The following ZMIZ1 variants were observed in gnomAD, a reference collection of about 807,000 sequenced individuals.
The protein encoded by ZMIZ1 is zinc finger MIZ-type containing 1.
Under a neutral mutation model 113.9 loss-of-function variants are expected in ZMIZ1, and 17 were observed. The ratio of observed to expected loss-of-function variants is 0.15; its 90% confidence interval spans 0.10 to 0.22. ZMIZ1 has a LOEUF of 0.22. ZMIZ1 is among the 10% of genes least tolerant of loss of function. ZMIZ1 has a pLI of 1.00. For synonymous variants in ZMIZ1, 607 were observed against 603.1 expected, an observed-to-expected ratio of 1.01 and a Z score of -0.09; for missense variants, 1,059 against 1,477.8, an observed-to-expected ratio of 0.72 and a Z score of 4.65.
chr10:79,182,780 C>G (rs1244066591), intron 4 of ZMIZ1, among the ~76,000 whole-genome samples: 1 of 152,218 alleles, frequency 6.6e-6, no homozygotes, highest in African/African-American at 2.4e-5. Context: ...TTCTCTGGGC[C>G]TTGTCTCCAG....
chr10:79,301,879 A>G (rs1854324751), intron 17 of ZMIZ1, among the ~76,000 whole-genome samples: 1 of 152,180 alleles, frequency 6.6e-6, no homozygotes, highest in Non-Finnish European at 1.5e-5. Context: ...CTTGTGTCCT[A>G]TAACCTTATC....
chr10:79,180,592 C>T (rs1847077792), intron 4 of ZMIZ1, among the ~76,000 whole-genome samples: 1 of 152,192 alleles, frequency 6.6e-6, no homozygotes. Flanking sequence ...CCCCTTCCTC[C>T]TCCGAGTCCC....
intron 4 of ZMIZ1, among the ~76,000 whole-genome samples, chr10:79,200,740 A>T (rs1358130010): frequency 6.6e-6 from 1 of 152,140 alleles, no homozygotes; most frequent in Non-Finnish European, 1.5e-5. Flanking sequence ...CAAAGTGAAA[A>T]CAACAGAGTT....
chr10:79,161,521 T>A (rs1564689804), intron 3 of ZMIZ1, among the ~76,000 whole-genome samples: 2 of 152,318 alleles, frequency 1.3e-5, no homozygotes, highest in East Asian at 3.9e-4. Flanking sequence ...TTGCTGCATC[T>A]TGGTCTGCCT....
At chr10:79,122,080 C>A (rs1287768828) in intron 2 of ZMIZ1, among the ~76,000 whole-genome samples, 11 of 152,220 alleles carry the variant, frequency 7.2e-5, no homozygotes, top group Non-Finnish European at 2.9e-5. Flanking sequence ...CCCTGTGTGA[C>A]GGCCAGTGAA....
intron 7 of ZMIZ1, among the ~76,000 whole-genome samples, chr10:79,223,989 G>A (rs1045224382): frequency 6.6e-6 from 1 of 152,212 alleles, no homozygotes; most frequent in Non-Finnish European, 1.5e-5. Context: ...GTGGGGAGGG[G>A]CCCTGCCATG....
chr10:79,172,894 A>G (rs1196481272), intron 4 of ZMIZ1, among the ~76,000 whole-genome samples: 1 of 152,236 alleles, frequency 6.6e-6, no homozygotes, highest in African/African-American at 2.4e-5. Flanking sequence ...TTGTAACGGA[A>G]GTAAATTTTC....
chr10:79,304,004 C>T lies in ZMIZ1; in HGVS notation c.2126-11C>T, dbSNP rs748094936. 6.2e-7 allele frequency: 1 copy of T among 1,613,780 alleles called. No homozygotes were observed. Among genetic ancestry groups the T allele is most frequent in the Non-Finnish European group, 8.5e-7 (1 of 1,180,016 alleles). ...TGCCATCCTCACCTGTCTGTGCCTC[C>T]TGCCCCGCAGTCAAGCGGAATTTCA... On this transcript the variant is annotated splice_polypyrimidine_tract_variant and intron_variant, in intron 18 of 24. Transcript: ENST00000334512.
intron 12 of ZMIZ1, chr10:79,294,240 T>A (rs1853717417): frequency 6.0e-6 from 1 of 165,786 alleles, no homozygotes; most frequent in Admixed American, 5.6e-5. Flanking sequence ...GGCAGCTGTT[T>A]CCAGTCTATA....
intron 7 of ZMIZ1, among the ~76,000 whole-genome samples, chr10:79,241,560 C>G (rs1334847422): frequency 6.6e-6 from 1 of 151,994 alleles, no homozygotes; most frequent in Non-Finnish European, 1.5e-5. Context: ...TAGTTCGTGT[C>G]CAAAAGGCTC....
intron 4 of ZMIZ1, among the ~76,000 whole-genome samples, chr10:79,175,253 G>T (rs138631964): frequency 6.6e-6 from 1 of 152,306 alleles, no homozygotes; most frequent in Non-Finnish European, 1.5e-5. Context: ...CTGCCCCGAG[G>T]TGTCCTCTGC....
chr10:79,181,476 A>C (rs558280801), intron 4 of ZMIZ1, among the ~76,000 whole-genome samples: 1 of 152,324 alleles, frequency 6.6e-6, no homozygotes, highest in Admixed American at 6.5e-5. Flanking sequence ...GGGCGGAGGC[A>C]TCCCAGGGGC....
intron 2 of ZMIZ1, among the ~76,000 whole-genome samples, chr10:79,130,316 T>C (rs760887034): frequency 1.1e-4 from 17 of 152,154 alleles, no homozygotes; most frequent in Non-Finnish European, 5.9e-5. Context: ...ATATCAGCCT[T>C]CTTGTGCCCT....
chr10:79,261,561 T>C (rs1476266975), intron 7 of ZMIZ1, among the ~76,000 whole-genome samples: 1 of 152,170 alleles, frequency 6.6e-6, no homozygotes, highest in Non-Finnish European at 1.5e-5. Flanking sequence ...TGGGGCTGCT[T>C]CCTAGAGCCG....
intron 5 of ZMIZ1, among the ~76,000 whole-genome samples, chr10:79,206,152 A>T (rs1848310572): frequency 6.6e-6 from 1 of 151,382 alleles, no homozygotes; most frequent in South Asian, 2.1e-4. Context: ...TGTTTTCTTC[A>T]GCAATGAGGT....
intron 3 of ZMIZ1, among the ~76,000 whole-genome samples, chr10:79,145,133 CTCTGTATCTTCTT>C (rs1479717758): frequency 2.0e-5 from 3 of 151,920 alleles, no homozygotes; most frequent in Non-Finnish European, 2.9e-5. Context: ...TGTCTTCCTT[CTCTGTATCTTCTT>C]TCTGTATCTT....
chr10:79,187,494 G>GA (rs1847398248), intron 4 of ZMIZ1, among the ~76,000 whole-genome samples: 1 of 152,216 alleles, frequency 6.6e-6, no homozygotes, highest in Non-Finnish European at 1.5e-5. Context: ...GCTGGAGTGA[G>GA]AATTCGATGG....
At chr10:79,140,334 A>G (rs1001048311) in intron 3 of ZMIZ1, among the ~76,000 whole-genome samples, 36 of 152,302 alleles carry the variant, frequency 2.4e-4, no homozygotes, top group African/African-American at 8.4e-4. Context: ...GCATTTTCAG[A>G]CCACGAGAAC....
chr10:79,161,999 C>A, intron 3 of ZMIZ1, 54 bp from the exon 4 acceptor site: 1 of 399,000 alleles, frequency 2.5e-6, no homozygotes, highest in South Asian at 1.3e-4. Context: ...GCCTCATGGT[C>A]AGTGCCGGGC....
Sources: gnomAD v4.1 joint callset for allele counts (sites outside exome capture counted in the v4.1 genomes callset) on GRCh38, gnomAD v4.1.1 for gene constraint, MANE v1.5 for transcripts, NCBI Gene and HGNC (gene_info 2026-07-23, HGNC 2026-07-21) for gene names.